KHDRBS2: variants seen among roughly 807,000 people sequenced by gnomAD.
KHDRBS2 encodes KH domain-containing, RNA-binding, signal transduction-associated protein 2.
KHDRBS2 carries 26 observed loss-of-function variants against 44.3 expected under a neutral mutation model. That is an observed-to-expected ratio of 0.59 (90% CI 0.43 to 0.81). The LOEUF is 0.81. KHDRBS2 is among the 40% of genes least tolerant of loss of function. The pLI, the probability that KHDRBS2 is intolerant of heterozygous loss-of-function variation, is 0.00. For synonymous variants in KHDRBS2, 194 were observed against 151.1 expected (o/e 1.28, Z -2.08); for missense variants, 476 against 433.1 (o/e 1.10, Z -0.88).
At chr6:62,071,154 G>C (rs1033178547) in intron 2 of KHDRBS2, among the ~76,000 whole-genome samples, 1 of 152,142 alleles carries the variant, frequency 6.6e-6, no homozygotes, top group African/African-American at 2.4e-5. Context: ...AGAAGTTTCT[G>C]TTCATGTCCT....
chr6:61,600,015 A>C, the KHDRBS2 span, among the ~76,000 whole-genome samples: 1 of 152,212 alleles, frequency 6.6e-6, no homozygotes, highest in African/African-American at 2.4e-5. Context: ...TCATATCAAA[A>C]AATTACATGA....
intron 4 of KHDRBS2, among the ~76,000 whole-genome samples, chr6:61,947,236 A>C (rs1813561939): frequency 6.6e-6 from 1 of 152,146 alleles, no homozygotes; most frequent in South Asian, 2.1e-4. Flanking sequence ...CAGTCAGTTA[A>C]TGTGAATTGG....
chr6:61,548,534 AT>A, the KHDRBS2 span, among the ~76,000 whole-genome samples: 1 of 152,160 alleles, frequency 6.6e-6, no homozygotes, highest in East Asian at 1.9e-4. Flanking sequence ...CAAACTATTA[AT>A]CTTTAAAGTC....
intron 1 of KHDRBS2, among the ~76,000 whole-genome samples, chr6:62,214,198 T>C (rs76746473): frequency 6.0e-4 from 92 of 152,278 alleles, no homozygotes; most frequent in Non-Finnish European, 1.2e-3. Context: ...GCAAAGTATA[T>C]TGATGTTGTG....
intron 3 of KHDRBS2, among the ~76,000 whole-genome samples, chr6:62,046,812 ATAGAG>A (rs1787803007): frequency 6.6e-6 from 1 of 151,894 alleles, no homozygotes; most frequent in Non-Finnish European, 1.5e-5. Flanking sequence ...TGTACACAGT[ATAGAG>A]TAATCAAAAG....
chr6:61,686,164 A>G (rs1294522627), intron 8 of KHDRBS2, among the ~76,000 whole-genome samples: 1 of 151,742 alleles, frequency 6.6e-6, no homozygotes, highest in East Asian at 1.9e-4. Context: ...AAAGAATCTA[A>G]AAAGAAGCTT....
intron 6 of KHDRBS2, among the ~76,000 whole-genome samples, chr6:61,832,372 T>G (rs1486699748): frequency 6.6e-6 from 1 of 152,178 alleles, no homozygotes; most frequent in African/African-American, 2.4e-5. Context: ...TACCCTCTTA[T>G]CTATAGGTCT....
intron 6 of KHDRBS2, among the ~76,000 whole-genome samples, chr6:61,863,546 A>G (rs188018206): frequency 4.6e-5 from 7 of 152,200 alleles, no homozygotes; most frequent in African/African-American, 1.4e-4. Flanking sequence ...TTCATTATTT[A>G]CCCAAAAGTC....
At chr6:62,083,015 AG>A (rs1797696533) in intron 2 of KHDRBS2, among the ~76,000 whole-genome samples, 2 of 152,196 alleles carry the variant, frequency 1.3e-5, no homozygotes, top group Admixed American at 1.3e-4. Flanking sequence ...AGAAAAGGGC[AG>A]GGTCCCTGGT....
chr6:61,761,380 A>G (rs1454643508), intron 6 of KHDRBS2, among the ~76,000 whole-genome samples: 1 of 152,220 alleles, frequency 6.6e-6, no homozygotes, highest in Non-Finnish European at 1.5e-5. Context: ...TTGTACCAGC[A>G]ACACACAGTA....
intron 1 of KHDRBS2, among the ~76,000 whole-genome samples, chr6:62,228,974 C>A (rs1205171527): frequency 1.3e-5 from 2 of 152,076 alleles, no homozygotes; most frequent in Non-Finnish European, 2.9e-5. Context: ...AGGATCTCAC[C>A]CAGTTGGGTG....
At chr6:61,748,193 G>T (rs1777136104) in intron 6 of KHDRBS2, among the ~76,000 whole-genome samples, 1 of 152,138 alleles carries the variant, frequency 6.6e-6, no homozygotes, top group Non-Finnish European at 1.5e-5. Flanking sequence ...GTTTCACTAT[G>T]TTGGAAAGGC....
the KHDRBS2 span, among the ~76,000 whole-genome samples, chr6:61,628,210 CT>C: frequency 2.4e-5 from 2 of 82,324 alleles, no homozygotes; most frequent in East Asian, 4.8e-4. Context: ...CATGTGTAGC[CT>C]TTTTTTTTTT....
chr6:61,891,439 T>A (rs1296494512), intron 6 of KHDRBS2, among the ~76,000 whole-genome samples: 1 of 152,184 alleles, frequency 6.6e-6, no homozygotes, highest in African/African-American at 2.4e-5. Flanking sequence ...AGGATGATGC[T>A]GGCCTCATAA....
At chr6:61,706,952 A>C (rs201383276) in intron 7 of KHDRBS2, among the ~76,000 whole-genome samples, 28,179 of 109,254 alleles carry the variant, frequency 0.26, 3,684 homozygotes, top group African/African-American at 0.46. Context: ...AAAAACAAAA[A>C]CAAAAACAAA....
downstream of KHDRBS2, among the ~76,000 whole-genome samples, chr6:61,675,436 C>T (rs1427299735): frequency 6.7e-6 from 1 of 150,148 alleles, no homozygotes; most frequent in Non-Finnish European, 1.5e-5. Flanking sequence ...CTAAATATTA[C>T]ACTAAATATT....
intron 6 of KHDRBS2, among the ~76,000 whole-genome samples, chr6:61,760,232 A>G (rs76713480): frequency 0.032 from 4,807 of 152,278 alleles, 249 homozygotes; most frequent in African/African-American, 0.11. Flanking sequence ...TATTGTTCTC[A>G]TAGAGAAGGT....
chr6:62,241,724 G>T (rs561260596), intron 1 of KHDRBS2, among the ~76,000 whole-genome samples: 28 of 148,424 alleles, frequency 1.9e-4, no homozygotes, highest in African/African-American at 7.4e-4. Flanking sequence ...TAATAAAGCA[G>T]TTGGCATGAT....
intron 2 of KHDRBS2, among the ~76,000 whole-genome samples, chr6:62,074,471 G>A (rs1396887132): frequency 5.3e-5 from 8 of 151,554 alleles, no homozygotes; most frequent in South Asian, 2.1e-4. Context: ...TTTTTCTCCC[G>A]CCAACCCTCA....
Sources: allele counts gnomAD v4.1 joint callset (sites outside exome capture counted in the v4.1 genomes callset), GRCh38; gene constraint gnomAD v4.1.1; transcripts MANE v1.5; gene names NCBI Gene and HGNC (gene_info 2026-07-23, HGNC 2026-07-21).